HADHA: variants seen among roughly 807,000 people sequenced by gnomAD.
The protein encoded by HADHA is trifunctional enzyme subunit alpha, mitochondrial.
A neutral mutation model predicts 91.3 loss-of-function variants in HADHA; 59 were observed. That is an observed-to-expected ratio of 0.65 (90% CI 0.52 to 0.80). HADHA has a LOEUF of 0.80. Among genes scored for constraint, HADHA ranks in the 30% least tolerant of loss-of-function variants. The pLI is 0.00. For missense variants in HADHA, 800 were observed against 927.6 expected (o/e 0.86, Z 1.79); for synonymous variants, 320 against 338.9 (o/e 0.94, Z 0.61).
chr2:26,193,886 C>T (rs1308421211), intron 16 of HADHA, 114 bp from the exon 17 acceptor site: 1 of 797,728 alleles, frequency 1.3e-6, no homozygotes, highest in Non-Finnish European at 2.2e-6. Context: ...CTGAGTGTCA[C>T]CTGACCAGGC....
rs1208908716 is a variant in HADHA, at chr2:26,201,253, T to C, written c.1288A>G (p.Thr430Ala). 11 of 1,611,508 alleles carry C rather than the reference T, an allele frequency of 6.8e-6. No individual in the cohort carries two copies. Among genetic ancestry groups the C allele is most frequent in the Non-Finnish European group, 8.5e-6 (10 of 1,177,718 alleles). Reference protein sequence around the residue: ...FERDSIFSNLTGQLDYQGFEK... With the variant: ...FERDSIFSNLAGQLDYQGFEK... ...AAACCTTGGTAATCAAGCTGCCCAG[T>C]CAAGTTGCTGAAGATGGAATCCCTT... The change falls in exon 13 of 20, where the codon ACT becomes GCT. Residue 430 changes from threonine (T) to alanine (A), a missense_variant. Thr to Ala is a moderately conservative substitution (Grantham distance 58). Transcript: ENST00000380649.
intron 5 of HADHA, among the ~76,000 whole-genome samples, chr2:26,233,388 C>T (rs1038821365): frequency 2.0e-5 from 3 of 152,190 alleles, no homozygotes; most frequent in South Asian, 2.1e-4. Flanking sequence ...GTCATTGAAA[C>T]GTTATGTGGT....
In HADHA at chr2:26,210,632, C is replaced by G. The variant is rs945112607; in HGVS notation, c.976-743G>C. 3.3e-5 allele frequency: 5 copies of G among 152,344 alleles called. No individual in the cohort carries two copies. Among genetic ancestry groups the G allele is most frequent in the Non-Finnish European group, 4.4e-5 (3 of 68,142 alleles). 9.4% of individuals were successfully genotyped at this position (152,344 alleles called of 1,614,324 possible). On this transcript the variant is annotated intron_variant, in intron 10 of 19. Transcript: ENST00000380649. The surrounding 1 kb of genome is among the most constrained non-coding windows in gnomAD (Gnocchi z 4.0). ...GTGCTGGGATTACAGGCGTGAGCCA[C>G]CGTGCCTCGCCTCGAACTCCGGTTC...
intron 1 of HADHA, 71 bp from the exon 2 acceptor site, chr2:26,239,214 T>C: frequency 9.8e-7 from 1 of 1,015,900 alleles, no homozygotes; most frequent in Non-Finnish European, 1.6e-6. Flanking sequence ...ATAACAAAGC[T>C]GTAATTTACA....
chr2:26,217,809 A>C (rs1440842114), intron 7 of HADHA, among the ~76,000 whole-genome samples: 1 of 152,106 alleles, frequency 6.6e-6, no homozygotes, highest in African/African-American at 2.4e-5. Flanking sequence ...CGAGAGGCTG[A>C]CGTGGAAAGA....
intron 11 of HADHA, among the ~76,000 whole-genome samples, chr2:26,207,794 TCTTCA>T (rs146328139): frequency 2.0e-5 from 3 of 152,324 alleles, no homozygotes; most frequent in East Asian, 3.9e-4. Context: ...TAAGTACTGC[TCTTCA>T]CTTATTAGAA....
chr2:26,244,487 G>C (rs747339819), intron 1 of HADHA, 43 bp downstream of exon 1: 2 of 1,546,126 alleles, frequency 1.3e-6, no homozygotes, highest in African/African-American at 2.7e-5. Flanking sequence ...GTCCCGGCAG[G>C]AGTTCTGCCC....
In HADHA at chr2:26,202,568, C is replaced by T. The variant is rs535823638; in HGVS notation, c.1221-1248G>A. 1.1e-4 allele frequency among the ~76,000 whole-genome samples: 16 copies of T among 152,246 alleles called. No individual in the cohort carries two copies. In the East Asian group the frequency reaches 3.1e-3, roughly 29 times the overall value. On this transcript the variant is annotated intron_variant, in intron 12 of 19. Coordinates refer to ENST00000380649, the MANE Select transcript of HADHA (RefSeq NM_000182.5). ...CAAGCCTAACCAACATGGTGAAATC[C>T]CGTCTCTATAAGAAAAACAAAAATC...
chr2:26,231,783 A>G (rs1670629142), intron 6 of HADHA, among the ~76,000 whole-genome samples: 2 of 151,948 alleles, frequency 1.3e-5, no homozygotes, highest in Admixed American at 6.6e-5. Context: ...CCTGGCCAAC[A>G]TGGCGAAACT....
At chr2:26,230,872 G>A (rs537403003) in intron 6 of HADHA, among the ~76,000 whole-genome samples, 13 of 152,132 alleles carry the variant, frequency 8.5e-5, no homozygotes, top group Non-Finnish European at 1.8e-4. Flanking sequence ...AGTGAGCCGA[G>A]ATCATGCCAC....
intron 1 of HADHA, among the ~76,000 whole-genome samples, chr2:26,240,654 C>G (rs1670868210): frequency 6.6e-6 from 1 of 151,712 alleles, no homozygotes; most frequent in African/African-American, 2.4e-5. Flanking sequence ...ATTTCAAAAA[C>G]ATTTTTTTTC....
intron 11 of HADHA, among the ~76,000 whole-genome samples, chr2:26,206,964 G>A (rs1669985424): frequency 6.6e-6 from 1 of 151,960 alleles, no homozygotes; most frequent in South Asian, 2.1e-4. Flanking sequence ...TTGGGAGGAT[G>A]AGGCAGGAGG....
intron 7 of HADHA, among the ~76,000 whole-genome samples, chr2:26,223,096 GC>G (rs1355536721): frequency 2.6e-5 from 4 of 152,134 alleles, no homozygotes; most frequent in African/African-American, 9.7e-5. Context: ...TGTCTAGAGG[GC>G]TCAGTTCCAA....
intron 7 of HADHA, among the ~76,000 whole-genome samples, chr2:26,216,156 A>G (rs1245475535): frequency 2.0e-5 from 3 of 152,178 alleles, no homozygotes; most frequent in Non-Finnish European, 4.4e-5. Context: ...ACAGACACCT[A>G]CCAGGCTCTC....
intron 14 of HADHA, among the ~76,000 whole-genome samples, chr2:26,196,953 T>C (rs921458203): frequency 1.3e-5 from 2 of 152,216 alleles, no homozygotes; most frequent in African/African-American, 4.8e-5. Context: ...TGCTGTGTGC[T>C]AGGAAACTAG....
chr2:26,190,932 C>CCCCTGGCCA lies in HADHA; in HGVS notation c.*309_*317dup. The CCCCTGGCCA allele has an allele frequency of 2.0e-6, 1 of 492,416 alleles. No homozygotes were observed. The highest frequency in any genetic ancestry group is 3.7e-6 in the Non-Finnish European group (1 of 269,228). The allele number at this position is 492,416 out of a possible 1,614,324, so 30.5% of individuals were successfully genotyped here. A position where few individuals can be genotyped will look rare whatever the true frequency, so the allele number is the denominator to read the frequency against. On this transcript the variant is annotated 3_prime_UTR_variant, in exon 20 of 20. Coordinates refer to ENST00000380649, the MANE Select transcript of HADHA (RefSeq NM_000182.5). The stretch of plus-strand genomic sequence containing the variant: ...GCTGGGTGCAGAACTGCCCTCACCA[C>CCCCTGGCCA]CCCTGGCCACCCTGGCCTCTTGGGA...
At chr2:26,212,547 A>G in intron 10 of HADHA, 23 bp downstream of exon 10, 1 of 1,412,394 alleles carries the variant, frequency 7.1e-7, no homozygotes. Flanking sequence ...TGATAATAAA[A>G]CATTGAAAGG....
At chr2:26,199,051 T>C (rs985990129) in intron 13 of HADHA, among the ~76,000 whole-genome samples, 2 of 152,250 alleles carry the variant, frequency 1.3e-5, no homozygotes, top group African/African-American at 4.8e-5. Flanking sequence ...CCTGCCACCA[T>C]GCCTGGCTAA....
intron 18 of HADHA, 41 bp downstream of exon 18, chr2:26,192,265 CAGAG>C (rs1558313886): frequency 2.0e-6 from 2 of 997,322 alleles, no homozygotes; most frequent in Non-Finnish European, 3.2e-6. Flanking sequence ...TTTGGGCTGT[CAGAG>C]AAAGTCAATT....
Sources: gnomAD v4.1 joint callset for allele counts (sites outside exome capture counted in the v4.1 genomes callset) on GRCh38, gnomAD v4.1.1 for gene constraint, Gnocchi (gnomAD v3.1) non-coding constraint, MANE v1.5 for transcripts, NCBI Gene and HGNC (gene_info 2026-07-23, HGNC 2026-07-21) for gene names.